Variants in SPG11 observed in about 807,000 individuals in gnomAD.
SPG11 encodes spatacsin.
Under a neutral mutation model 274.0 loss-of-function variants are expected in SPG11, and 222 were observed. The ratio of observed to expected loss-of-function variants is 0.81; its 90% CI spans 0.73 to 0.91. The LOEUF (loss-of-function observed/expected upper bound fraction) is 0.91, where lower values mean the gene tolerates loss of function less well. SPG11 is among the 40% of genes least tolerant of loss of function. The probability of loss-of-function intolerance (pLI) is 0.00; values close to 1 mark genes in which losing one functional copy is unlikely to be tolerated. For synonymous variants in SPG11, 1,144 were observed against 1,039.7 expected, an observed-to-expected ratio of 1.10 and a Z score of -1.93; for missense variants, 3,114 against 2,872.7, an observed-to-expected ratio of 1.08 and a Z score of -1.92.
At position 44,584,474 on chromosome 15, in the gene SPG11, CAT is replaced by C. The variant is rs757573958; in HGVS notation, c.5204_5205del (p.His1735ArgfsTer4). On this transcript the variant is annotated frameshift_variant, in exon 30 of 40. Transcript: ENST00000261866. LOFTEE classifies it high-confidence loss of function. ...QARIDFWKKCHENFKKNSISS... is the reference protein window; with the variant it reads ...QARIDFWKKCXENFKKNSISS... ...GAAATTGAATTTTTCTTAAAATTCTCATGGCATTTTTTCCAGAAGTCAATTCT... is the reference window on the plus strand; with the variant it reads ...GAAATTGAATTTTTCTTAAAATTCTCGGCATTTTTTCCAGAAGTCAATTCT... 1 of 1,614,186 alleles carries C rather than the reference CAT, an allele frequency of 6.2e-7. No homozygotes were observed. The highest frequency in any genetic ancestry group is 8.5e-7 in the Non-Finnish European group (1 of 1,180,036).
At chr15:44,646,862 G>T (rs577499092) in intron 7 of SPG11, among the ~76,000 whole-genome samples, 1 of 152,198 alleles carries the variant, frequency 6.6e-6, no homozygotes, top group South Asian at 2.1e-4. Flanking sequence ...ATTGAAAACT[G>T]CCTATCAGGT....
intron 16 of SPG11, among the ~76,000 whole-genome samples, chr15:44,614,977 G>A (rs1226527364): frequency 6.6e-6 from 1 of 152,136 alleles, no homozygotes; most frequent in African/African-American, 2.4e-5. Flanking sequence ...AATATACCTT[G>A]AAAGTGAAAT....
intron 1 of SPG11, among the ~76,000 whole-genome samples, chr15:44,661,648 T>G (rs1232907281): frequency 2.0e-5 from 3 of 152,116 alleles, no homozygotes; most frequent in African/African-American, 7.2e-5. Context: ...ACTGTTCATA[T>G]TGATAAATGT....
chr15:44,588,241 G>GT (rs1056857942), intron 28 of SPG11, among the ~76,000 whole-genome samples: 12 of 151,698 alleles, frequency 7.9e-5, no homozygotes, highest in Non-Finnish European at 1.3e-4. Flanking sequence ...GGCAATATTT[G>GT]TTTGAGTCAA....
intron 6 of SPG11, among the ~76,000 whole-genome samples, chr15:44,650,131 G>A (rs544715387): frequency 2.6e-4 from 40 of 152,222 alleles, no homozygotes; most frequent in African/African-American, 6.7e-4. Context: ...TGAATTATGC[G>A]GTGAATGAAT....
At chr15:44,648,383 C>T (rs1205683772) in intron 7 of SPG11, among the ~76,000 whole-genome samples, 12 of 151,872 alleles carry the variant, frequency 7.9e-5, no homozygotes, top group South Asian at 4.2e-4. Context: ...CATGGTGGCG[C>T]GTGCCTGTAG....
Position 44,626,372 on chromosome 15 carries a change from T to C in SPG11, c.2203A>G (p.Lys735Glu). Residue 735 changes from lysine (K) to glutamate (E), a missense_variant, in exon 11 of 40, where the codon AAG (lysine) becomes GAG (glutamate). Physicochemically the swap from Lys to Glu is moderately conservative, Grantham distance 56. Coordinates refer to ENST00000261866, the MANE Select transcript of SPG11 (RefSeq NM_025137.4). Reference protein sequence around the residue: ...GLNLVFDNLKKNNIKEASELL... With the variant: ...GLNLVFDNLKENNIKEASELL... ...TCAGAGGCTTCCTTTATATTGTTCTTTTTTAAATTGTCAAAGACCAAATTT... is the reference window on the plus strand; with the variant it reads ...TCAGAGGCTTCCTTTATATTGTTCTCTTTTAAATTGTCAAAGACCAAATTT... 1 of 1,613,538 alleles carries C rather than the reference T, an allele frequency of 6.2e-7. No individual in the cohort carries two copies. The highest frequency in any genetic ancestry group is 8.5e-7 in the Non-Finnish European group (1 of 1,179,856).
intron 28 of SPG11, among the ~76,000 whole-genome samples, chr15:44,587,446 A>G (rs1165751083): frequency 6.6e-6 from 1 of 152,130 alleles, no homozygotes; most frequent in Non-Finnish European, 1.5e-5. Context: ...TCCCAGCACC[A>G]TGGGAGGCCA....
chr15:44,621,840 G>C lies in SPG11; in HGVS notation c.2539C>G (p.His847Asp). Residue 847 changes from histidine (H) to aspartate (D), a missense_variant, in exon 14 of 40, where the codon CAT becomes GAT. Coordinates refer to ENST00000261866, the MANE Select transcript of SPG11 (RefSeq NM_025137.4). ...AGAGCCCAATTTAACACAATTCTAT[G>C]GTCCTGTTTGTTAAATTCATCTTTA... ...DCKDEFNKQD[H>D]RIVLNWALWW... The C allele has an allele frequency of 6.2e-7, 1 of 1,613,248 alleles. No individual in the cohort carries two copies. Among genetic ancestry groups the C allele is most frequent in the Non-Finnish European group, 8.5e-7 (1 of 1,179,494 alleles).
In SPG11 at chr15:44,573,627, T is replaced by A; in HGVS notation, c.6125A>T (p.Gln2042Leu). ...CKRAQAFIST[Q>L]GLKPDTVAEL... ...AGCCACAGTATCTGGCTTAAGGCCC[T>A]GTGTGCTGATGAAGGCCTGGGCTCG... Residue 2042 changes from glutamine (Q) to leucine (L), a missense_variant, in exon 32 of 40, where the codon CAG becomes CTG. By Grantham distance (113) the Gln-to-Leu change is moderately radical. Coordinates refer to ENST00000261866, the MANE Select transcript of SPG11 (RefSeq NM_025137.4). 2 of 1,614,206 alleles carry A rather than the reference T, an allele frequency of 1.2e-6. No homozygotes were observed. Among genetic ancestry groups the A allele is most frequent in the African/African-American group, 1.3e-5 (1 of 75,066 alleles).
intron 7 of SPG11, among the ~76,000 whole-genome samples, chr15:44,643,639 C>A (rs1255427484): frequency 6.6e-6 from 1 of 152,092 alleles, no homozygotes; most frequent in South Asian, 2.1e-4. Context: ...AGATTCAACA[C>A]CAAAAGCAAA....
At chr15:44,607,411 A>G (rs2083349393) in intron 19 of SPG11, among the ~76,000 whole-genome samples, 1 of 152,146 alleles carries the variant, frequency 6.6e-6, no homozygotes. Context: ...CCTCCAGAGT[A>G]GCTGGGACTA....
chr15:44,655,874 T>C (rs1445133392), intron 4 of SPG11, among the ~76,000 whole-genome samples: 1 of 152,184 alleles, frequency 6.6e-6, no homozygotes, highest in Non-Finnish European at 1.5e-5. Flanking sequence ...TAACTAATAA[T>C]AGGACAATTA....
rs776451921 is a variant in SPG11 at position 44,628,806 on chromosome 15, T to A, written c.1930A>T (p.Thr644Ser). 13 of 1,613,544 alleles carry A rather than the reference T, an allele frequency of 8.1e-6. No individual in the cohort carries two copies. Among genetic ancestry groups the A allele is most frequent in the Non-Finnish European group, 1.1e-5 (13 of 1,179,982 alleles). Residue 644 changes from threonine (T) to serine (S), a missense_variant, in exon 10 of 40, where the codon ACT becomes TCT. Transcript: ENST00000261866. ...GTTCGAAGTTCATTAATGTAGCTAG[T>A]CAAAATGTTCACTCCTTTTTGCAGA... ...EHLQKGVNIL[T>S]SYINELRTFM...
intron 20 of SPG11, among the ~76,000 whole-genome samples, chr15:44,603,893 T>G: frequency 6.6e-6 from 1 of 151,398 alleles, no homozygotes; most frequent in South Asian, 2.1e-4. Flanking sequence ...TTTTTTTAAA[T>G]TGTTTGTTTG....
At position 44,596,944 on chromosome 15, in the gene SPG11, C is replaced by G. The variant is rs1567149654; in HGVS notation, c.4002-1G>C. ...TTGGCTGCTAGATTCACTGGATAAC[C>G]TATAATCAGAATTAGAGGTGGGGGT... On this transcript the variant is annotated splice_acceptor_variant, in intron 23 of 39. Transcript: ENST00000261866. LOFTEE classifies it high-confidence loss of function. The G allele has an allele frequency of 4.3e-6, 7 of 1,613,640 alleles. No homozygotes were observed. Among genetic ancestry groups the G allele is most frequent in the Non-Finnish European group, 5.9e-6 (7 of 1,179,924 alleles).
rs371422396 is a variant in SPG11 at position 44,652,077 on chromosome 15, A to G, written c.1007+52T>C. 193 of 1,608,742 alleles carry G rather than the reference A, an allele frequency of 1.2e-4. No individual in the cohort carries two copies. The African/African-American group carries it at 2.5e-3, about 21-fold the overall frequency. ...ACCTTTAATGAAAGGGTACAGCGTC[A>G]GCATGATAAAAAATAAGAACAATAA... On this transcript the variant is annotated intron_variant, in intron 5 of 39. Transcript: ENST00000261866.
Position 44,583,819 on chromosome 15 carries a change from T to C in SPG11, c.5861A>G (p.His1954Arg), listed in dbSNP as rs954248015. Residue 1954 changes from histidine (H) to arginine (R), a missense_variant, in exon 30 of 40, where the codon CAC (histidine) becomes CGC (arginine). Physicochemically the swap from His to Arg is conservative, Grantham distance 29 (BLOSUM62 0). Coordinates refer to ENST00000261866, the MANE Select transcript of SPG11 (RefSeq NM_025137.4). ...EAPDIPLRRV[H>R]STSSLDSQKF... ...ATCTGATCTCCTTCACTTACTGCTG[T>C]GGACTCTCCTTAGGGGAATGTCGGG... The C allele has an allele frequency of 6.2e-7, 1 of 1,614,172 alleles. No homozygotes were observed. Among genetic ancestry groups the C allele is most frequent in the Non-Finnish European group, 8.5e-7 (1 of 1,180,028 alleles).
At chr15:44,575,880 C>T (rs534566922) in intron 30 of SPG11, among the ~76,000 whole-genome samples, 9 of 152,162 alleles carry the variant, frequency 5.9e-5, no homozygotes, top group Admixed American at 3.9e-4. Context: ...CGGTGGCTCA[C>T]GCCTATAATC....
Sources: gnomAD v4.1 joint callset for allele counts (sites outside exome capture counted in the v4.1 genomes callset) on GRCh38, gnomAD v4.1.1 for gene constraint, MANE v1.5 for transcripts, NCBI Gene and HGNC (gene_info 2026-07-23, HGNC 2026-07-21) for gene names.